The following PTPRG variants were observed in gnomAD, a reference collection of about 807,000 sequenced individuals.
The protein encoded by PTPRG is receptor-type tyrosine-protein phosphatase gamma.
Under a neutral mutation model 165.3 loss-of-function variants are expected in PTPRG, and 102 were observed. The observed-to-expected ratio is 0.62, with a 90% CI of 0.53 to 0.73. The LOEUF (loss-of-function observed/expected upper bound fraction) is 0.73, where lower values mean the gene tolerates loss of function less well. PTPRG is among the 30% of genes least tolerant of loss of function. PTPRG has a pLI of 0.00. For missense variants in PTPRG, 1,866 were observed against 1,861.4 expected (o/e 1.00, Z -0.05); for synonymous variants, 675 against 669.5 (o/e 1.01, Z -0.13).
chr3:61,946,034 TTGTA>T (rs2039753102), intron 2 of PTPRG, among the ~76,000 whole-genome samples: 1 of 152,250 alleles, frequency 6.6e-6, no homozygotes, highest in Non-Finnish European at 1.5e-5. Flanking sequence ...ATCTCTCTCT[TTGTA>T]TGAGACTACA....
intron 2 of PTPRG, among the ~76,000 whole-genome samples, chr3:61,842,698 A>AG (rs1169777611): frequency 4.9e-5 from 7 of 144,252 alleles, no homozygotes; most frequent in African/African-American, 1.8e-4. Context: ...AAAAAAAAAA[A>AG]AAAAAGAAAA....
At chr3:62,092,161 C>T (rs977147410) in intron 5 of PTPRG, among the ~76,000 whole-genome samples, 3 of 150,544 alleles carry the variant, frequency 2.0e-5, no homozygotes, top group East Asian at 2.0e-4. Context: ...AAGGACCGGC[C>T]GGGTCCAGCT....
intron 23 of PTPRG, among the ~76,000 whole-genome samples, chr3:62,274,093 A>G (rs899939411): frequency 3.3e-5 from 5 of 152,182 alleles, no homozygotes; most frequent in African/African-American, 1.2e-4. Flanking sequence ...GAATATAAAC[A>G]TCAGCCCCTG....
At chr3:62,020,611 T>C (rs1045252246) in intron 4 of PTPRG, among the ~76,000 whole-genome samples, 2 of 152,172 alleles carry the variant, frequency 1.3e-5, no homozygotes, top group Admixed American at 6.5e-5. Flanking sequence ...AGTCTTTTCA[T>C]TGTCAGTAAG....
chr3:62,111,884 C>T (rs1183336844), intron 5 of PTPRG, among the ~76,000 whole-genome samples: 1 of 152,148 alleles, frequency 6.6e-6, no homozygotes, highest in African/African-American at 2.4e-5. Context: ...TCCTCAAAGC[C>T]CTCATCTACG....
At chr3:61,695,627 G>T (rs993736646) in intron 1 of PTPRG, among the ~76,000 whole-genome samples, 16 of 152,120 alleles carry the variant, frequency 1.1e-4, no homozygotes, top group African/African-American at 3.4e-4. Flanking sequence ...GGCTTGATTT[G>T]ATTTTATTTT....
chr3:62,256,023 A>G (rs1701527352), intron 16 of PTPRG, among the ~76,000 whole-genome samples: 1 of 152,156 alleles, frequency 6.6e-6, no homozygotes, highest in South Asian at 2.1e-4. Context: ...TCTGGCAGCA[A>G]GAGTTGTGTC....
chr3:62,059,461 C>T (rs946819139), intron 4 of PTPRG, among the ~76,000 whole-genome samples: 6 of 152,156 alleles, frequency 3.9e-5, no homozygotes, highest in African/African-American at 7.2e-5. Flanking sequence ...AAATATGGAC[C>T]GAGACCTGGT....
intron 1 of PTPRG, among the ~76,000 whole-genome samples, chr3:61,656,674 T>C (rs888130163): frequency 6.6e-6 from 1 of 152,218 alleles, no homozygotes; most frequent in African/African-American, 2.4e-5. Context: ...TTCTGGAATG[T>C]CAATTTTACT....
At chr3:61,939,245 A>G (rs1450348865) in intron 2 of PTPRG, among the ~76,000 whole-genome samples, 1 of 152,164 alleles carries the variant, frequency 6.6e-6, no homozygotes, top group Non-Finnish European at 1.5e-5. Flanking sequence ...ATTTACTCAC[A>G]CGAGGTTTGC....
At chr3:61,956,532 A>G (rs1218545398) in intron 2 of PTPRG, among the ~76,000 whole-genome samples, 1 of 152,188 alleles carries the variant, frequency 6.6e-6, no homozygotes, top group East Asian at 1.9e-4. Context: ...AGACTGAGCA[A>G]TCATTTACTA....
intron 5 of PTPRG, among the ~76,000 whole-genome samples, chr3:62,088,501 C>G (rs1004807103): frequency 6.6e-6 from 1 of 152,214 alleles, no homozygotes; most frequent in Non-Finnish European, 1.5e-5. Context: ...ACATAAGGTG[C>G]AAAACTTGCA....
chr3:61,898,306 C>T (rs1386704883), intron 2 of PTPRG, among the ~76,000 whole-genome samples: 2 of 152,168 alleles, frequency 1.3e-5, no homozygotes, highest in East Asian at 3.8e-4. Context: ...CCTCCCACCT[C>T]AGCCTTCCAA....
chr3:62,118,142 A>AT, intron 5 of PTPRG, among the ~76,000 whole-genome samples: 1 of 152,178 alleles, frequency 6.6e-6, no homozygotes, highest in Admixed American at 6.5e-5. Flanking sequence ...CAGTTAAGTA[A>AT]TTTGTTTGTG....
At chr3:62,047,071 A>G (rs1700316791) in intron 4 of PTPRG, among the ~76,000 whole-genome samples, 1 of 152,140 alleles carries the variant, frequency 6.6e-6, no homozygotes, top group South Asian at 2.1e-4. Context: ...ATTAGAACCC[A>G]CATTTTCTAA....
intron 1 of PTPRG, among the ~76,000 whole-genome samples, chr3:61,702,767 G>A (rs567741307): frequency 6.6e-6 from 1 of 152,218 alleles, no homozygotes; most frequent in Non-Finnish European, 1.5e-5. Flanking sequence ...TTTTGGGTCT[G>A]TCTGCTTTTG....
At chr3:62,163,864 A>T (rs1040700288) in intron 7 of PTPRG, among the ~76,000 whole-genome samples, 2 of 152,384 alleles carry the variant, frequency 1.3e-5, no homozygotes, top group Non-Finnish European at 2.9e-5. Flanking sequence ...GACCAAGGTC[A>T]CACATTTAGC....
chr3:62,027,763 G>T (rs1037220799), intron 4 of PTPRG, among the ~76,000 whole-genome samples: 6 of 152,248 alleles, frequency 3.9e-5, no homozygotes, highest in Middle Eastern at 6.8e-3. Flanking sequence ...CCCAGAGCCA[G>T]TGTGATTTTT....
chr3:62,203,290 T>G lies in PTPRG; in HGVS notation c.1495T>G (p.Ser499Ala). ...TTCCATGGCAACTGGGATGGGCCCC[T>G]CCTCCAGTGGCAGCCAGGCCACAGT... ...FVSMATGMGP[S>A]SSGSQATVAS... Residue 499 changes from serine to alanine, a missense_variant, in exon 12 of 30, where the codon TCC becomes GCC. Transcript: ENST00000474889. The surrounding 1 kb of genome is among the most constrained non-coding windows in gnomAD (Gnocchi z 6.4). The G allele has an allele frequency of 1.2e-6, 2 of 1,613,404 alleles. No homozygotes were observed. Among genetic ancestry groups the G allele is most frequent in the Non-Finnish European group, 8.5e-7 (1 of 1,179,930 alleles).
Sources: allele counts gnomAD v4.1 joint callset (sites outside exome capture counted in the v4.1 genomes callset), GRCh38; gene constraint gnomAD v4.1.1; non-coding constraint Gnocchi (gnomAD v3.1); transcripts MANE v1.5; gene names NCBI Gene and HGNC (gene_info 2026-07-23, HGNC 2026-07-21).